The following GARRE1 variants were observed in gnomAD, a reference collection of about 807,000 sequenced individuals.
The protein encoded by GARRE1 is granule associated Rac and RHOG effector protein 1.
A neutral mutation model predicts 103.2 loss-of-function variants in GARRE1; 49 were observed. That is an observed-to-expected ratio of 0.47 (90% CI 0.38 to 0.60). The LOEUF (loss-of-function observed/expected upper bound fraction) is 0.60, where lower values mean the gene tolerates loss of function less well. GARRE1 is among the 20% of genes least tolerant of loss of function. GARRE1 has a pLI of 0.00. For missense variants in GARRE1, 1,199 were observed against 1,370.5 expected, an observed-to-expected ratio of 0.87 and a Z score of 1.98; for synonymous variants, 505 against 532.8, an observed-to-expected ratio of 0.95 and a Z score of 0.72.
At chr19:34,310,106 C>T (rs533604324) in intron 2 of GARRE1, among the ~76,000 whole-genome samples, 2 of 152,244 alleles carry the variant, frequency 1.3e-5, no homozygotes, top group East Asian at 1.9e-4. Flanking sequence ...AAAAGGCTTG[C>T]GTGATGTGCT....
chr19:34,294,227 G>A (rs75856743), intron 1 of GARRE1, among the ~76,000 whole-genome samples: 5,558 of 150,932 alleles, frequency 0.037, 177 homozygotes, highest in Admixed American at 0.11. Flanking sequence ...CAAGGCCAGC[G>A]TGGACAACAT....
At chr19:34,332,253 A>G (rs1599777278) in intron 7 of GARRE1, among the ~76,000 whole-genome samples, 1 of 152,056 alleles carries the variant, frequency 6.6e-6, no homozygotes. Flanking sequence ...TCCTCAGTAT[A>G]GGGACCTCCA....
At chr19:34,301,115 G>A (rs1239867319) in intron 2 of GARRE1, 147 bp downstream of exon 2, 7 of 883,994 alleles carry the variant, frequency 7.9e-6, no homozygotes, top group Admixed American at 5.6e-5. Context: ...AAATGTGTGC[G>A]TGCCAGGTTC....
intron 8 of GARRE1, among the ~76,000 whole-genome samples, chr19:34,334,392 A>G (rs949773434): frequency 6.6e-5 from 10 of 152,196 alleles, no homozygotes; most frequent in African/African-American, 2.4e-4. Flanking sequence ...ACATATGATC[A>G]ACAAATAGAT....
intron 12 of GARRE1, 58 bp from the exon 13 acceptor site, chr19:34,351,456 A>G (rs1403886246): frequency 3.8e-6 from 5 of 1,320,462 alleles, no homozygotes; most frequent in Non-Finnish European, 1.1e-6. Context: ...TGTGTACCCT[A>G]CAGGTGGGCT....
chr19:34,316,587 C>G (rs2074061556), intron 2 of GARRE1, among the ~76,000 whole-genome samples: 1 of 152,158 alleles, frequency 6.6e-6, no homozygotes, highest in South Asian at 2.1e-4. Context: ...TGTACTCTCT[C>G]AAGAGAAGGT....
intron 1 of GARRE1, among the ~76,000 whole-genome samples, chr19:34,285,776 G>A (rs979426617): frequency 6.6e-6 from 1 of 151,962 alleles, no homozygotes; most frequent in African/African-American, 2.4e-5. Context: ...GATTATAGGC[G>A]TGAGCCACTG....
intron 2 of GARRE1, among the ~76,000 whole-genome samples, chr19:34,318,228 G>C (rs748994284): frequency 6.6e-6 from 1 of 152,220 alleles, no homozygotes; most frequent in Non-Finnish European, 1.5e-5. Flanking sequence ...CTGAGAGGGC[G>C]TGTGGCAAAG....
chr19:34,294,882 G>T (rs1010738017), intron 1 of GARRE1, among the ~76,000 whole-genome samples: 8 of 151,962 alleles, frequency 5.3e-5, no homozygotes, highest in African/African-American at 1.9e-4. Context: ...TCACCATGTT[G>T]GCCAAGCTGG....
At chr19:34,260,017 A>T (rs887452362) in intron 1 of GARRE1, among the ~76,000 whole-genome samples, 6 of 152,174 alleles carry the variant, frequency 3.9e-5, no homozygotes, top group Admixed American at 2.6e-4. Context: ...GCCCTGGGGA[A>T]CTGTGAATCA....
chr19:34,310,406 T>G (rs2074030944), intron 2 of GARRE1, among the ~76,000 whole-genome samples: 1 of 152,202 alleles, frequency 6.6e-6, no homozygotes, highest in Admixed American at 6.5e-5. Context: ...GCCAGTGCAG[T>G]CTAGTGCAGA....
chr19:34,348,094 G>A (rs2074221106), intron 11 of GARRE1, 52 bp downstream of exon 11: 28 of 1,358,248 alleles, frequency 2.1e-5, no homozygotes, highest in South Asian at 3.9e-5. Flanking sequence ...GGTGTCCCCC[G>A]AGGGGCCTGT....
chr19:34,279,522 T>G (rs1475842378), intron 1 of GARRE1, among the ~76,000 whole-genome samples: 1 of 152,090 alleles, frequency 6.6e-6, no homozygotes, highest in Non-Finnish European at 1.5e-5. Flanking sequence ...TGGCCAGCAC[T>G]TATTTTCTGT....
Position 34,341,858 on chromosome 19 carries a change from A to G in GARRE1, c.1924A>G (p.Thr642Ala). 6.2e-7 allele frequency: 1 copy of G among 1,614,092 alleles called. No homozygotes were observed. Among genetic ancestry groups the G allele is most frequent in the Non-Finnish European group, 8.5e-7 (1 of 1,180,010 alleles). Residue 642 changes from threonine to alanine, a missense_variant, in exon 10 of 14, where the codon ACT becomes GCT. By Grantham distance (58) the Thr-to-Ala change is moderately conservative. Coordinates refer to ENST00000299505, the MANE Select transcript of GARRE1 (RefSeq NM_014686.5). ...GGATGAGAAGGGTATGAACTTACCA[A>G]CTGATCAGGAAATGCAAGAGGTGAT... ...GKDEKGMNLP[T>A]DQEMQEVIDF...
intron 2 of GARRE1, among the ~76,000 whole-genome samples, chr19:34,313,369 C>T (rs1050702296): frequency 1.3e-5 from 2 of 152,192 alleles, no homozygotes; most frequent in Admixed American, 1.3e-4. Flanking sequence ...AAGGGTGATG[C>T]TGCTGAGGGG....
chr19:34,270,084 G>A (rs996668390), intron 1 of GARRE1, among the ~76,000 whole-genome samples: 7 of 152,172 alleles, frequency 4.6e-5, no homozygotes, highest in African/African-American at 1.4e-4. Context: ...AGGAAGCTAG[G>A]CAGTGATTAC....
intron 2 of GARRE1, among the ~76,000 whole-genome samples, chr19:34,317,110 G>C (rs2074063513): frequency 6.6e-6 from 1 of 152,212 alleles, no homozygotes. Context: ...TAGGGGAGGG[G>C]ACAGGGTAGC....
At chr19:34,345,706 C>T (rs1454808360) in intron 10 of GARRE1, among the ~76,000 whole-genome samples, 6 of 152,178 alleles carry the variant, frequency 3.9e-5, no homozygotes, top group Non-Finnish European at 8.8e-5. Flanking sequence ...CCTGTAGTCC[C>T]AACCACTTGG....
intron 1 of GARRE1, among the ~76,000 whole-genome samples, chr19:34,298,992 A>T (rs925236450): frequency 6.6e-6 from 1 of 152,110 alleles, no homozygotes; most frequent in African/African-American, 2.4e-5. Context: ...ACCCAGAGGG[A>T]AACTGGTACC....
Sources: gnomAD v4.1 joint callset for allele counts (sites outside exome capture counted in the v4.1 genomes callset) on GRCh38, gnomAD v4.1.1 for gene constraint, MANE v1.5 for transcripts, NCBI Gene and HGNC (gene_info 2026-07-23, HGNC 2026-07-21) for gene names.